The following KYNU variants were observed in gnomAD, a reference collection of about 807,000 sequenced individuals.
KYNU encodes kynureninase.
KYNU carries 54 observed loss-of-function variants against 59.2 expected under a neutral mutation model. That is an observed-to-expected ratio of 0.91 (90% confidence interval 0.73 to 1.14). The LOEUF (loss-of-function observed/expected upper bound fraction) is 1.14, where lower values mean the gene tolerates loss of function less well. KYNU is among the 50% of genes most tolerant of loss of function. KYNU has a pLI of 0.00. For synonymous variants in KYNU, 177 were observed against 192.0 expected, an observed-to-expected ratio of 0.92 and a Z score of 0.65; for missense variants, 567 against 554.4, an observed-to-expected ratio of 1.02 and a Z score of -0.23.
At chr2:142,939,576 TG>T (rs1683510933) in intron 4 of KYNU, among the ~76,000 whole-genome samples, 1 of 121,984 alleles carries the variant, frequency 8.2e-6, no homozygotes, top group African/African-American at 3.2e-5. Flanking sequence ...CACTCCAGCC[TG>T]GTGACAGAGC....
chr2:142,973,379 TC>T (rs1558952982), intron 8 of KYNU, among the ~76,000 whole-genome samples: 1 of 152,076 alleles, frequency 6.6e-6, no homozygotes, highest in African/African-American at 2.4e-5. Flanking sequence ...TCATCACTGT[TC>T]CTTCTCAGAA....
chr2:142,963,617 T>TA (rs1209119748), intron 8 of KYNU, among the ~76,000 whole-genome samples: 2 of 152,208 alleles, frequency 1.3e-5, no homozygotes, highest in Non-Finnish European at 2.9e-5. Context: ...GACCTCCTAA[T>TA]ACTGTCACAT....
chr2:143,033,388 A>G (rs1268089588), intron 12 of KYNU, 67 bp downstream of exon 12: 2 of 1,110,680 alleles, frequency 1.8e-6, no homozygotes, highest in African/African-American at 3.1e-5. Context: ...GTGACAATTC[A>G]TAGTACTTTC....
intron 2 of KYNU, among the ~76,000 whole-genome samples, chr2:142,909,286 T>C (rs1682404408): frequency 6.6e-6 from 1 of 152,188 alleles, no homozygotes; most frequent in Non-Finnish European, 1.5e-5. Flanking sequence ...ATGCCAACAA[T>C]GAATATATTA....
intron 4 of KYNU, among the ~76,000 whole-genome samples, chr2:142,928,070 AT>A (rs1683100265): frequency 6.6e-6 from 1 of 152,196 alleles, no homozygotes; most frequent in South Asian, 2.1e-4. Flanking sequence ...ACTGAAATGA[AT>A]TTTCTATAAT....
intron 4 of KYNU, among the ~76,000 whole-genome samples, chr2:142,937,903 T>C (rs1683447114): frequency 6.6e-6 from 1 of 152,250 alleles, no homozygotes; most frequent in Non-Finnish European, 1.5e-5. Context: ...TTTTTGGTCA[T>C]CTTCTCAATT....
intron 2 of KYNU, among the ~76,000 whole-genome samples, chr2:142,916,257 TG>T (rs1682665111): frequency 6.6e-6 from 1 of 152,174 alleles, no homozygotes; most frequent in African/African-American, 2.4e-5. Flanking sequence ...TAGGGGGAAC[TG>T]ATGAACTCTT....
chr2:142,932,421 A>G (rs996527551), intron 4 of KYNU, among the ~76,000 whole-genome samples: 4 of 152,046 alleles, frequency 2.6e-5, no homozygotes, highest in Admixed American at 6.6e-5. Context: ...TTGTTTCACT[A>G]CCTGATCTGT....
At chr2:143,015,858 G>A (rs749787739) in intron 10 of KYNU, among the ~76,000 whole-genome samples, 4 of 152,132 alleles carry the variant, frequency 2.6e-5, no homozygotes, top group South Asian at 4.2e-4. Flanking sequence ...TAGACAGAAC[G>A]TCAGTTTCAA....
At chr2:142,938,755 T>C (rs976408646) in intron 4 of KYNU, among the ~76,000 whole-genome samples, 1 of 151,988 alleles carries the variant, frequency 6.6e-6, no homozygotes, top group Non-Finnish European at 1.5e-5. Context: ...GAAAATTTTT[T>C]AAAAAAAGAA....
intron 8 of KYNU, among the ~76,000 whole-genome samples, chr2:142,961,192 C>CAAAAA (rs71404458): frequency 9.0e-6 from 1 of 110,674 alleles, no homozygotes; most frequent in African/African-American, 2.8e-5. Context: ...GACTCCATCT[C>CAAAAA]AAAAAAAAAA....
chr2:142,968,983 G>T (rs1684630327), intron 8 of KYNU, among the ~76,000 whole-genome samples: 1 of 152,008 alleles, frequency 6.6e-6, no homozygotes, highest in Non-Finnish European at 1.5e-5. Context: ...GGTATGAAAG[G>T]ACAGATCCAT....
Position 143,043,903 on chromosome 2 carries a change from G to T in KYNU, c.*1731G>T, listed in dbSNP as rs1366711314. The T allele has an allele frequency of 1.3e-5, 2 of 150,564 alleles. No individual in the cohort carries two copies. The highest frequency in any genetic ancestry group is 4.9e-5 in the African/African-American group (2 of 40,942). 9.3% of individuals were successfully genotyped at this position (150,564 alleles called of 1,614,324 possible). A position where few individuals can be genotyped will look rare whatever the true frequency, so the allele number is the denominator to read the frequency against. On this transcript the variant is annotated 3_prime_UTR_variant, in exon 14 of 14. Transcript: ENST00000264170. ...CAGAACATGCAGGTTTGTTACATAG[G>T]TATACATGTGCCGTGGTGGATTGCT...
intron 10 of KYNU, among the ~76,000 whole-genome samples, chr2:142,995,983 C>T (rs1229535441): frequency 6.6e-6 from 1 of 152,054 alleles, no homozygotes; most frequent in Non-Finnish European, 1.5e-5. Flanking sequence ...CAAATATCTG[C>T]TTGCACTGTA....
At chr2:143,012,040 A>G (rs36033406) in intron 10 of KYNU, among the ~76,000 whole-genome samples, 16,588 of 146,138 alleles carry the variant, frequency 0.11, 1,065 homozygotes, top group East Asian at 0.23. Flanking sequence ...ATGTGCACAT[A>G]TACCCTAAAA....
rs541119533 is a variant in KYNU, at chr2:143,023,368, G to T, written c.903-6259G>T. On this transcript the variant is annotated intron_variant, in intron 10 of 13. Coordinates refer to ENST00000264170, the MANE Select transcript of KYNU (RefSeq NM_003937.3). ...ATATATACTTTTTGGAGATATTAAA[G>T]ATTTTGTATAGTTATAGTCAACATT... 4.5e-4 allele frequency among the ~76,000 whole-genome samples: 68 copies of T among 151,908 alleles called. 2 individuals carry two copies. Among genetic ancestry groups the T allele is most frequent in the African/African-American group, 1.6e-3 (65 of 41,542 alleles).
At chr2:142,939,182 C>T (rs909636940) in intron 4 of KYNU, among the ~76,000 whole-genome samples, 6 of 151,860 alleles carry the variant, frequency 4.0e-5, no homozygotes, top group Admixed American at 3.9e-4. Flanking sequence ...CCTCAAACCT[C>T]AATAGAAGAG....
intron 2 of KYNU, among the ~76,000 whole-genome samples, chr2:142,909,655 G>A (rs1442101099): frequency 6.6e-6 from 1 of 152,140 alleles, no homozygotes; most frequent in Non-Finnish European, 1.5e-5. Flanking sequence ...TGGCTATGTA[G>A]TATTTCTTGG....
chr2:142,986,011 A>G lies in KYNU; in HGVS notation c.892A>G (p.Ile298Val), dbSNP rs1212547849. 11 of 1,609,340 alleles carry G rather than the reference A, an allele frequency of 6.8e-6. No individual in the cohort carries two copies. The highest frequency in any genetic ancestry group is 1.7e-5 in the Admixed American group (1 of 59,778). ...CATTCATGAAAAGCATGCCCATACG[A>G]TTAAACCTGCGTGAGTACCATCTTC... ...AFIHEKHAHT[I>V]KPALVGWFGH... The change falls in exon 10 of 14, where the codon ATT (isoleucine) becomes GTT (valine). Residue 298 changes from isoleucine (I) to valine (V), a missense_variant. Physicochemically the swap from Ile to Val is conservative, Grantham distance 29. Coordinates refer to ENST00000264170, the MANE Select transcript of KYNU (RefSeq NM_003937.3).
Sources: allele counts gnomAD v4.1 joint callset (sites outside exome capture counted in the v4.1 genomes callset), GRCh38; gene constraint gnomAD v4.1.1; transcripts MANE v1.5; gene names NCBI Gene and HGNC (gene_info 2026-07-23, HGNC 2026-07-21).